The following PIGN variants were observed in gnomAD, a reference collection of about 807,000 sequenced individuals.
PIGN encodes GPI ethanolamine phosphate transferase 1.
PIGN carries 117 observed loss-of-function variants against 125.4 expected under a neutral mutation model. The observed-to-expected ratio is 0.93, with a 90% CI of 0.80 to 1.09. PIGN has a LOEUF of 1.09. Among genes scored for constraint, PIGN ranks in the 50% least tolerant of loss-of-function variants. The pLI, the probability that PIGN is intolerant of heterozygous loss-of-function variation, is 0.00. For missense variants in PIGN, 1,075 were observed against 1,094.9 expected (o/e 0.98, Z 0.26); for synonymous variants, 392 against 377.8 (o/e 1.04, Z -0.44).
In PIGN at chr18:62,035,345, T is replaced by C. The variant is rs146394778; in HGVS notation, c.2143-17604A>G. 4.2e-3 allele frequency among the ~76,000 whole-genome samples: 646 copies of C among 152,338 alleles called. 8 individuals carry two copies. The highest frequency in any genetic ancestry group is 0.015 in the African/African-American group (620 of 41,570). On this transcript the variant is annotated intron_variant, in intron 23 of 24. Transcript: ENST00000639600. The stretch of plus-strand genomic sequence containing the variant: ...TAATCTACTGATTTTTGTATAGTTA[T>C]ATGTAAAGTTCAACTAAGACCTTGA...
chr18:62,157,974 C>T (rs1395194642), intron 4 of PIGN, 166 bp from the exon 5 acceptor site: 4 of 573,700 alleles, frequency 7.0e-6, no homozygotes, highest in Admixed American at 6.2e-5. Context: ...CCATTCCTAG[C>T]ATCTACCAGC....
intron 30 of PIGN, among the ~76,000 whole-genome samples, chr18:62,056,359 A>C (rs940025701): frequency 1.2e-4 from 18 of 151,962 alleles, no homozygotes; most frequent in African/African-American, 4.3e-4. Context: ...GACTCACTTT[A>C]AACTTATAAG....
chr18:62,082,623 A>G (rs377222510), intron 28 of PIGN, 50 bp downstream of exon 28: 30 of 943,274 alleles, frequency 3.2e-5, no homozygotes, highest in Non-Finnish European at 4.5e-5. Context: ...GTTTACTCTC[A>G]TCTCCTAAAA....
chr18:62,074,765 C>T lies in PIGN; in HGVS notation c.2619+14G>A, dbSNP rs141117706. 0.01 allele frequency: 15,931 copies of T among 1,552,366 alleles called. 356 individuals carry two copies. The highest frequency in any genetic ancestry group is 0.056 in the Middle Eastern group (317 of 5,652). ...CTTAATCTAATTTATATGGACTACC[C>T]AGTAATGCCTTACCAAAGCCATAAT... is the stretch of plus-strand genomic sequence containing the variant. On this transcript the variant is annotated intron_variant, in intron 29 of 30. Transcript: ENST00000640252.
intron 14 of PIGN, among the ~76,000 whole-genome samples, chr18:62,123,118 T>C (rs1462192259): frequency 6.6e-6 from 1 of 152,080 alleles, no homozygotes; most frequent in African/African-American, 2.4e-5. Flanking sequence ...TGCTCACCTG[T>C]TGTCCTAGCT....
At chr18:62,131,438 A>G (rs1474465123) in intron 14 of PIGN, among the ~76,000 whole-genome samples, 1 of 135,872 alleles carries the variant, frequency 7.4e-6, no homozygotes, top group Admixed American at 8.4e-5. Context: ...TTTTAAACAT[A>G]AAGTGTTTTT....
Position 62,043,342 on chromosome 18 carries a change from A to T in PIGN, c.*2514T>A, listed in dbSNP as rs892300059. On this transcript the variant is annotated 3_prime_UTR_variant, in exon 31 of 31. Transcript: ENST00000640252. ...CTCTAGGCCAGCTTCATCAGAAATC[A>T]TGTTTTTAATGGCACAGTTATATGT... 6.6e-6 allele frequency: 1 copy of T among 152,158 alleles called. No homozygotes were observed. The highest frequency in any genetic ancestry group is 2.4e-5 in the African/African-American group (1 of 41,444). 9.4% of individuals were successfully genotyped at this position (152,158 alleles called of 1,614,324 possible).
intron 23 of PIGN, among the ~76,000 whole-genome samples, chr18:62,020,702 C>G (rs1214550393): frequency 6.6e-6 from 1 of 151,634 alleles, no homozygotes; most frequent in African/African-American, 2.4e-5. Context: ...GTAATCCCAG[C>G]ACTTTGGGAG....
chr18:62,062,604 A>G (rs1243934696), intron 30 of PIGN, among the ~76,000 whole-genome samples: 3 of 152,204 alleles, frequency 2.0e-5, no homozygotes, highest in Non-Finnish European at 4.4e-5. Context: ...CCGGGAAATC[A>G]GGGCATAGGA....
chr18:62,135,875 G>A (rs1375381753), intron 14 of PIGN: 2 of 151,842 alleles, frequency 1.3e-5, no homozygotes, highest in Non-Finnish European at 2.9e-5. Context: ...CTGGTCTAAA[G>A]TAACCCTCAC....
At chr18:62,047,057 G>A (rs898082716) in intron 30 of PIGN, among the ~76,000 whole-genome samples, 2 of 152,208 alleles carry the variant, frequency 1.3e-5, no homozygotes, top group African/African-American at 2.4e-5. Flanking sequence ...GCCTATGCTC[G>A]CAGCTAAGGG....
chr18:62,091,330 G>A (rs894925424), intron 23 of PIGN, among the ~76,000 whole-genome samples: 3 of 152,170 alleles, frequency 2.0e-5, no homozygotes, highest in South Asian at 4.1e-4. Context: ...AGGTTACAGT[G>A]TGAGATTCTG....
At chr18:62,086,617 TG>T (rs1260304883) in intron 25 of PIGN, among the ~76,000 whole-genome samples, 3,469 of 107,696 alleles carry the variant, frequency 0.032, 93 homozygotes, top group African/African-American at 0.11. Context: ...CTCCGTTTTT[TG>T]TTTTTTTTTT....
chr18:62,049,213 T>C (rs911475502), intron 30 of PIGN, among the ~76,000 whole-genome samples: 4 of 152,236 alleles, frequency 2.6e-5, no homozygotes, highest in African/African-American at 7.2e-5. Context: ...CTTGGGTATA[T>C]ACTCAGTAAT....
intron 1 of PIGN, among the ~76,000 whole-genome samples, chr18:62,166,241 G>A (rs143902041): frequency 1.5e-4 from 23 of 152,156 alleles, no homozygotes; most frequent in Non-Finnish European, 1.9e-4. Context: ...AGGCAAACTG[G>A]TATTGCGCTC....
intron 1 of PIGN, among the ~76,000 whole-genome samples, chr18:62,164,016 C>T (rs1348836825): frequency 6.6e-6 from 1 of 152,010 alleles, no homozygotes; most frequent in Non-Finnish European, 1.5e-5. Context: ...AATTTCCTTC[C>T]TTTTTAAGAC....
At position 62,090,517 on chromosome 18, in the gene PIGN, G is replaced by C. The variant is rs61755363; in HGVS notation, c.2242C>G (p.Gln748Glu). 1.2e-6 allele frequency: 2 copies of C among 1,610,444 alleles called. No homozygotes were observed. Among genetic ancestry groups the C allele is most frequent in the Non-Finnish European group, 1.7e-6 (2 of 1,178,146 alleles). The change falls in exon 24 of 31, where the codon CAA becomes GAA. Residue 748 changes from glutamine to glutamate, a missense_variant. Physicochemically the swap from Gln to Glu is conservative, Grantham distance 29 (BLOSUM62 2). Around this residue, in one of 3 missense-constraint regions of PIGN, gnomAD observed 915 missense variants for 908.7 expected, o/e 1.01. Transcript: ENST00000640252. ...CLMFVWINIE[Q>E]ETLQQSGVCC... ...ACACCAGATTGTTGTAGAGTTTCTT[G>C]TTCTATGTTTATCCAGACAAACATC...
intron 28 of PIGN, among the ~76,000 whole-genome samples, chr18:62,078,879 A>G (rs1304524056): frequency 6.6e-6 from 1 of 152,200 alleles, no homozygotes; most frequent in Non-Finnish European, 1.5e-5. Flanking sequence ...CAAGACCCTT[A>G]ATTGATCTCC....
In PIGN at chr18:62,138,243, T is replaced by G; in HGVS notation, c.1172A>C (p.Lys391Thr). 6.5e-7 allele frequency: 1 copy of G among 1,546,550 alleles called. No homozygotes were observed. Residue 391 changes from lysine (K) to threonine (T), a missense_variant and splice_region_variant, in exon 14 of 31, where the codon AAA (lysine) becomes ACA (threonine). Lys to Thr is a moderately conservative substitution (Grantham distance 78, BLOSUM62 -1). Coordinates refer to ENST00000640252, the MANE Select transcript of PIGN (RefSeq NM_176787.5). Reference sequence around the variant, plus strand: ...TAATAAAAAAATGTAAGGGACTTACTTAAATGGTGTAAACAAAAATGGTAA... The same window carrying G: ...TAATAAAAAAATGTAAGGGACTTACGTAAATGGTGTAAACAAAAATGGTAA... ...VTLPFLFTPF[K>T]LLSDSKQFNI... is the part of the protein sequence containing the mutation.
Sources: allele counts gnomAD v4.1 joint callset (sites outside exome capture counted in the v4.1 genomes callset), GRCh38; gene constraint gnomAD v4.1.1; regional missense constraint gnomAD v4.1.1; transcripts MANE v1.5; gene names NCBI Gene and HGNC (gene_info 2026-07-23, HGNC 2026-07-21).